The following AFG1L variants were observed in gnomAD, a reference collection of about 807,000 sequenced individuals.
AFG1L encodes the protein AFG1 like ATPase, also known as AFG1-like ATPase.
In AFG1L, 53 loss-of-function variants were observed where a neutral mutation model predicts 62.2. That is an observed-to-expected ratio of 0.85 (90% CI 0.68 to 1.07). The LOEUF is 1.07. AFG1L is among the 50% of genes least tolerant of loss of function. The pLI, the probability that AFG1L is intolerant of heterozygous loss-of-function variation, is 0.00. For synonymous variants in AFG1L, 228 were observed against 210.3 expected, an observed-to-expected ratio of 1.08 and a Z score of -0.73; for missense variants, 555 against 590.5, an observed-to-expected ratio of 0.94 and a Z score of 0.62.
chr6:108,335,138 C>T (rs555942182), intron 2 of AFG1L, among the ~76,000 whole-genome samples: 31 of 152,086 alleles, frequency 2.0e-4, no homozygotes, highest in Middle Eastern at 3.4e-3. Context: ...GGATTATAGG[C>T]GTTTGCCACT....
At chr6:108,319,163 A>G (rs150476125) in intron 1 of AFG1L, among the ~76,000 whole-genome samples, 26 of 152,368 alleles carry the variant, frequency 1.7e-4, no homozygotes, top group African/African-American at 6.3e-4. Flanking sequence ...CTCCAAAGGC[A>G]GATGCCAAGA....
intron 10 of AFG1L, 123 bp downstream of exon 10, chr6:108,477,415 C>T: frequency 1.9e-6 from 1 of 534,566 alleles, no homozygotes; most frequent in Non-Finnish European, 3.1e-6. Flanking sequence ...ATTTAAAAGT[C>T]TCATTAAGGG....
At chr6:108,370,062 G>A (rs1209068447) in intron 6 of AFG1L, among the ~76,000 whole-genome samples, 1 of 152,076 alleles carries the variant, frequency 6.6e-6, no homozygotes, top group East Asian at 1.9e-4. Context: ...AGTGGCTGGA[G>A]AAATGACCCA....
intron 7 of AFG1L, among the ~76,000 whole-genome samples, chr6:108,430,413 C>G (rs985371438): frequency 6.6e-6 from 1 of 152,058 alleles, no homozygotes; most frequent in African/African-American, 2.4e-5. Flanking sequence ...TTATCATTAC[C>G]AAAATATTTA....
chr6:108,399,178 G>GTTTTTTTTTTTTTTTTTTTTT (rs57304886), intron 6 of AFG1L, among the ~76,000 whole-genome samples: 1 of 62,206 alleles, frequency 1.6e-5, no homozygotes, highest in Admixed American at 2.7e-4. Flanking sequence ...TCTTTTGTTT[G>GTTTTTTTTTTTTTTTTTTTTT]TTTTTTTTTT....
chr6:108,462,423 A>AG (rs1333853970), intron 8 of AFG1L, among the ~76,000 whole-genome samples: 6 of 152,136 alleles, frequency 3.9e-5, no homozygotes, highest in Admixed American at 3.9e-4. Flanking sequence ...ACAAAAAAAA[A>AG]CACTCCCGAA....
At chr6:108,484,993 A>C (rs1773484929) in intron 10 of AFG1L, among the ~76,000 whole-genome samples, 1 of 152,198 alleles carries the variant, frequency 6.6e-6, no homozygotes, top group African/African-American at 2.4e-5. Context: ...CTGGATTAGA[A>C]ATTTGAAAAC....
intron 1 of AFG1L, among the ~76,000 whole-genome samples, chr6:108,299,724 G>A (rs1335690801): frequency 6.6e-6 from 1 of 152,104 alleles, no homozygotes; most frequent in East Asian, 1.9e-4. Context: ...GATTGCTTGC[G>A]GCCAGGAGTT....
intron 1 of AFG1L, among the ~76,000 whole-genome samples, chr6:108,300,089 A>T (rs1393683137): frequency 6.6e-6 from 1 of 151,930 alleles, no homozygotes. Flanking sequence ...CTATTAAATG[A>T]TGATTCATAT....
chr6:108,465,489 T>C (rs1489867707), intron 8 of AFG1L, among the ~76,000 whole-genome samples: 1 of 152,244 alleles, frequency 6.6e-6, no homozygotes, highest in Non-Finnish European at 1.5e-5. Flanking sequence ...TTAGGTCTTA[T>C]GTCCCAAATA....
intron 8 of AFG1L, among the ~76,000 whole-genome samples, chr6:108,463,799 T>G (rs949168543): frequency 6.6e-6 from 1 of 152,202 alleles, no homozygotes; most frequent in Non-Finnish European, 1.5e-5. Flanking sequence ...TTCTAACAAC[T>G]GATTTCGTTA....
intron 8 of AFG1L, among the ~76,000 whole-genome samples, chr6:108,462,341 A>T (rs1294834207): frequency 1.3e-5 from 2 of 149,870 alleles, no homozygotes; most frequent in Non-Finnish European, 3.0e-5. Context: ...GAGGTCGAGG[A>T]TGTTGTGAGC....
chr6:108,462,661 T>A (rs1772507497), intron 8 of AFG1L, among the ~76,000 whole-genome samples: 6 of 152,188 alleles, frequency 3.9e-5, no homozygotes, highest in Admixed American at 3.3e-4. Context: ...TGAATAGTGT[T>A]TGTTTTCCAG....
At chr6:108,305,723 A>G (rs1777177258) in intron 1 of AFG1L, among the ~76,000 whole-genome samples, 1 of 152,096 alleles carries the variant, frequency 6.6e-6, no homozygotes, top group Non-Finnish European at 1.5e-5. Context: ...GTGAGCTACC[A>G]CACCAGGCTA....
chr6:108,335,836 C>T (rs187698528), intron 2 of AFG1L, among the ~76,000 whole-genome samples: 10 of 152,274 alleles, frequency 6.6e-5, no homozygotes. Context: ...ATGTTTGTGA[C>T]TTGAATGCAT....
At chr6:108,444,226 TTATAC>T (rs1233159055) in intron 7 of AFG1L, among the ~76,000 whole-genome samples, 3 of 152,204 alleles carry the variant, frequency 2.0e-5, no homozygotes, top group African/African-American at 7.2e-5. Flanking sequence ...AAGGTTATAT[TTATAC>T]TATACTATAG....
At chr6:108,304,376 A>G (rs1329578402) in intron 1 of AFG1L, among the ~76,000 whole-genome samples, 1 of 152,212 alleles carries the variant, frequency 6.6e-6, no homozygotes, top group Non-Finnish European at 1.5e-5. Flanking sequence ...CTGAATATTT[A>G]TCTTTTGGGT....
intron 6 of AFG1L, among the ~76,000 whole-genome samples, chr6:108,396,530 G>T (rs910781052): frequency 6.6e-6 from 1 of 151,460 alleles, no homozygotes; most frequent in African/African-American, 2.4e-5. Context: ...TCACTCTTTC[G>T]CTCAGGCTGG....
intron 5 of AFG1L, among the ~76,000 whole-genome samples, chr6:108,365,166 A>G (rs939327782): frequency 2.6e-5 from 4 of 152,160 alleles, no homozygotes; most frequent in African/African-American, 9.7e-5. Flanking sequence ...AGATCAAAAC[A>G]TTTTTACATT....
Sources: allele counts gnomAD v4.1 joint callset (sites outside exome capture counted in the v4.1 genomes callset), GRCh38; gene constraint gnomAD v4.1.1; transcripts MANE v1.5; gene names NCBI Gene and HGNC (gene_info 2026-07-23, HGNC 2026-07-21).